ANKRD11: variants seen among roughly 807,000 people sequenced by gnomAD.
The protein encoded by ANKRD11 is ankyrin repeat domain 11.
In ANKRD11, 17 loss-of-function variants were observed where a neutral mutation model predicts 195.7. The observed-to-expected ratio is 0.09, with a 90% CI of 0.06 to 0.13. ANKRD11 has a LOEUF of 0.13. Among genes scored for constraint, ANKRD11 ranks in the 10% least tolerant of loss-of-function variants. The pLI is 1.00. For synonymous variants in ANKRD11, 1,953 were observed against 1,528.1 expected, an observed-to-expected ratio of 1.28 and a Z score of -6.49; for missense variants, 3,735 against 3,566.1, an observed-to-expected ratio of 1.05 and a Z score of -1.21.
At chr16:89,313,245 C>T (rs1049106172) in intron 3 of ANKRD11, 1 of 1,245,374 alleles carries the variant, frequency 8.0e-7, no homozygotes, top group Non-Finnish European at 1.0e-6. Context: ...GACAGGGTGA[C>T]TGTGCCATGG....
At chr16:89,347,761 A>C (rs2039013383) in intron 2 of ANKRD11, among the ~76,000 whole-genome samples, 1 of 152,200 alleles carries the variant, frequency 6.6e-6, no homozygotes, top group Non-Finnish European at 1.5e-5. Flanking sequence ...CAAAGAGATG[A>C]CCACAAACAT....
intron 2 of ANKRD11, among the ~76,000 whole-genome samples, chr16:89,371,197 C>T (rs1246198307): frequency 1.3e-5 from 2 of 152,120 alleles, no homozygotes; most frequent in Non-Finnish European, 2.9e-5. Flanking sequence ...AAAGATGCAA[C>T]GACTCTCACT....
chr16:89,355,224 CG>C (rs1197780387), intron 2 of ANKRD11, among the ~76,000 whole-genome samples: 1 of 151,884 alleles, frequency 6.6e-6, no homozygotes, highest in Non-Finnish European at 1.5e-5. Flanking sequence ...AGAGGGCTCA[CG>C]GAGGGAGGGC....
At chr16:89,365,184 G>C (rs993182835) in intron 2 of ANKRD11, among the ~76,000 whole-genome samples, 1 of 152,160 alleles carries the variant, frequency 6.6e-6, no homozygotes, top group Non-Finnish European at 1.5e-5. Flanking sequence ...ATCCTGTCCA[G>C]TGATGACTAT....
At chr16:89,406,109 CAAAA>C (rs1232899595) in intron 2 of ANKRD11, among the ~76,000 whole-genome samples, 3 of 49,658 alleles carry the variant, frequency 6.0e-5, no homozygotes. Context: ...GATTCCATCT[CAAAA>C]AAAAAAAAAA....
intron 2 of ANKRD11, among the ~76,000 whole-genome samples, chr16:89,384,804 C>A (rs1191651934): frequency 6.7e-6 from 1 of 149,494 alleles, no homozygotes; most frequent in African/African-American, 2.5e-5. Flanking sequence ...GACAGCCCAA[C>A]AACAGAACCG....
intron 2 of ANKRD11, among the ~76,000 whole-genome samples, chr16:89,368,536 C>T (rs539389500): frequency 6.6e-6 from 1 of 150,788 alleles, no homozygotes; most frequent in Non-Finnish European, 1.5e-5. Context: ...TTCTTTTGTG[C>T]AGCATTTTCT....
chr16:89,443,181 AG>A (rs1168558869), intron 1 of ANKRD11: 1 of 152,124 alleles, frequency 6.6e-6, no homozygotes, highest in African/African-American at 2.4e-5. Context: ...CAGTAGAGAC[AG>A]GGTTTCACCC....
intron 9 of ANKRD11, among the ~76,000 whole-genome samples, chr16:89,275,682 A>C (rs1019797323): frequency 6.6e-6 from 1 of 151,882 alleles, no homozygotes; most frequent in African/African-American, 2.4e-5. Flanking sequence ...GGCTCGGGGG[A>C]GGGAAGCACG....
At chr16:89,437,971 G>A (rs1478758048) in intron 1 of ANKRD11, among the ~76,000 whole-genome samples, 2 of 152,150 alleles carry the variant, frequency 1.3e-5, no homozygotes, top group Non-Finnish European at 2.9e-5. Context: ...AAAATTCCTG[G>A]ATACAAAATA....
At chr16:89,479,724 A>G (rs1308396823) in intron 1 of ANKRD11, among the ~76,000 whole-genome samples, 3 of 151,898 alleles carry the variant, frequency 2.0e-5, no homozygotes, top group Non-Finnish European at 2.9e-5. Context: ...GGGGCGGATC[A>G]CGAGTTCAGG....
chr16:89,371,722 G>A (rs1010585321), intron 2 of ANKRD11, among the ~76,000 whole-genome samples: 1 of 152,132 alleles, frequency 6.6e-6, no homozygotes, highest in African/African-American at 2.4e-5. Flanking sequence ...TCTCGGGTGT[G>A]GAGGGCGATG....
At position 89,286,041 on chromosome 16, in the gene ANKRD11, G is replaced by A. The variant is rs140998225; in HGVS notation, c.890C>T (p.Thr297Met). The A allele has an allele frequency of 1.4e-3, 2,201 of 1,614,202 alleles. 3 individuals are homozygous for A. The highest frequency in any genetic ancestry group is 3.8e-3 in the Admixed American group (230 of 60,032). ...GTYTSSEESS[T>M]ESSEEEDAPS... ...CAGCTCAGGTGGCCGTGACTTACCC[G>A]TCGAGCTCTCCTCGCTGGAAGTGTA... is the stretch of plus-strand genomic sequence containing the variant. Residue 297 changes from threonine (T) to methionine (M), a missense_variant and splice_region_variant, in exon 8 of 13, where the codon ACG becomes ATG. Thr to Met is a moderately conservative substitution (Grantham distance 81). Transcript: ENST00000301030.
intron 1 of ANKRD11, among the ~76,000 whole-genome samples, chr16:89,464,891 C>T (rs62070277): frequency 6.6e-6 from 1 of 152,184 alleles, no homozygotes; most frequent in African/African-American, 2.4e-5. Flanking sequence ...CTACACAGTT[C>T]CAAGTTCATC....
chr16:89,481,620 G>A (rs1215476793), intron 1 of ANKRD11, among the ~76,000 whole-genome samples: 2 of 152,096 alleles, frequency 1.3e-5, no homozygotes, highest in African/African-American at 2.4e-5. Flanking sequence ...GGCATCCACC[G>A]CCTGCAAACT....
chr16:89,280,362 G>A lies in ANKRD11; in HGVS notation c.6180C>T (p.Ser2060=), dbSNP rs755165956. The A allele has an allele frequency of 1.3e-5, 21 of 1,568,810 alleles. No homozygotes were observed. The highest frequency in any genetic ancestry group is 6.8e-5 in the East Asian group (3 of 44,378). Residue 2060 remains serine, a synonymous_variant, in exon 9 of 13, where the codon TCC becomes TCT. Coordinates refer to ENST00000301030, the MANE Select transcript of ANKRD11 (RefSeq NM_013275.6). The part of the protein sequence containing the change: ...TSEAAPYAPP[S]GLESFFSNCK... ...AGTTGCTGAAGAAGGACTCCAGCCC[G>A]GAGGGAGGGGCGTAGGGAGCCGCCT...
chr16:89,413,424 C>T (rs926505169), intron 2 of ANKRD11, among the ~76,000 whole-genome samples: 1 of 152,054 alleles, frequency 6.6e-6, no homozygotes, highest in African/African-American at 2.4e-5. Flanking sequence ...AGGAGACCGA[C>T]ACCATCCTAG....
intron 2 of ANKRD11, among the ~76,000 whole-genome samples, chr16:89,347,992 G>A (rs567952464): frequency 2.0e-4 from 31 of 151,972 alleles, no homozygotes; most frequent in African/African-American, 7.5e-4. Context: ...GGAGTGAAAT[G>A]GCATGATCTC....
intron 2 of ANKRD11, among the ~76,000 whole-genome samples, chr16:89,361,118 T>C (rs892031826): frequency 1.3e-5 from 2 of 152,176 alleles, no homozygotes; most frequent in African/African-American, 4.8e-5. Context: ...GTCAACCCAA[T>C]TACAGACACC....
Sources: gnomAD v4.1 joint callset for allele counts (sites outside exome capture counted in the v4.1 genomes callset) on GRCh38, gnomAD v4.1.1 for gene constraint, MANE v1.5 for transcripts, NCBI Gene and HGNC (gene_info 2026-07-23, HGNC 2026-07-21) for gene names.